Variants in XIRP2 observed in about 807,000 individuals in gnomAD.
XIRP2 encodes the protein xin actin binding repeat containing 2, also known as xin actin-binding repeat-containing protein 2.
XIRP2 carries 236 observed loss-of-function variants against 277.0 expected under a neutral mutation model. The observed-to-expected ratio is 0.85, with a 90% CI of 0.77 to 0.95. XIRP2 has a LOEUF of 0.95. XIRP2 is among the 40% of genes least tolerant of loss of function. The pLI, the probability that XIRP2 is intolerant of heterozygous loss-of-function variation, is 0.00. For missense variants in XIRP2, 4,640 were observed against 4,157.5 expected, an observed-to-expected ratio of 1.12 and a Z score of -3.19; for synonymous variants, 1,490 against 1,416.5, an observed-to-expected ratio of 1.05 and a Z score of -1.17.
intron 3 of XIRP2, among the ~76,000 whole-genome samples, chr2:167,208,499 G>A (rs1693923462): frequency 6.6e-6 from 1 of 152,028 alleles, no homozygotes. Context: ...TAGTAGAGAC[G>A]GGGTTTCACC....
intron 2 of XIRP2, among the ~76,000 whole-genome samples, chr2:167,134,599 G>T (rs1332875669): frequency 6.6e-6 from 1 of 152,068 alleles, no homozygotes; most frequent in Non-Finnish European, 1.5e-5. Context: ...ATCCATGGGG[G>T]TCATGTTACA....
intron 2 of XIRP2, among the ~76,000 whole-genome samples, chr2:166,920,280 A>G (rs899176869): frequency 6.6e-6 from 1 of 152,158 alleles, no homozygotes. Context: ...TAATTTGCCC[A>G]AGAGTACACC....
Position 167,251,804 on chromosome 2 carries a change from A to G in XIRP2, c.10412A>G (p.Asp3471Gly). The G allele has an allele frequency of 6.2e-7, 1 of 1,613,398 alleles. No individual in the cohort carries two copies. Among genetic ancestry groups the G allele is most frequent in the Non-Finnish European group, 8.5e-7 (1 of 1,179,566 alleles). ...VIAGHILDISDSPKEVRKNFQ... is the reference protein window; with the variant it reads ...VIAGHILDISGSPKEVRKNFQ... ...GCTGGACATATTTTAGATATCTCTGATTCACCTAAAGAAGTAAGAAAAAAT... is the reference window on the plus strand; with the variant it reads ...GCTGGACATATTTTAGATATCTCTGGTTCACCTAAAGAAGTAAGAAAAAAT... Residue 3471 changes from aspartate to glycine, a missense_variant, in exon 9 of 11, where the codon GAT (aspartate) becomes GGT (glycine). By Grantham distance (94) the Asp-to-Gly change is moderately conservative. Transcript: ENST00000409195.
At chr2:167,229,631 C>A (rs1175165591) in intron 5 of XIRP2, among the ~76,000 whole-genome samples, 1 of 152,042 alleles carries the variant, frequency 6.6e-6, no homozygotes, top group Non-Finnish European at 1.5e-5. Flanking sequence ...ATAAACCCAT[C>A]TTCATGGGTC....
intron 2 of XIRP2, among the ~76,000 whole-genome samples, chr2:167,132,136 T>C (rs1478488216): frequency 5.3e-5 from 8 of 152,134 alleles, no homozygotes; most frequent in African/African-American, 1.9e-4. Flanking sequence ...TCATTCTTTC[T>C]TTAAGATCAT....
intron 2 of XIRP2, among the ~76,000 whole-genome samples, chr2:167,081,401 G>A (rs1011400250): frequency 3.3e-5 from 5 of 152,044 alleles, no homozygotes; most frequent in Non-Finnish European, 7.3e-5. Flanking sequence ...CCAGGAGTTC[G>A]AGGCTACAGT....
chr2:167,214,226 G>GAGGAAGGAAGGA (rs1295438859), intron 4 of XIRP2, among the ~76,000 whole-genome samples: 31 of 67,332 alleles, frequency 4.6e-4, no homozygotes, highest in East Asian at 1.1e-3. Flanking sequence ...GGGAGGGAGG[G>GAGGAAGGAAGGA]AGGAAGGAAG....
intron 1 of XIRP2, among the ~76,000 whole-genome samples, chr2:166,899,379 C>A (rs915149429): frequency 3.3e-5 from 5 of 152,014 alleles, no homozygotes; most frequent in African/African-American, 1.2e-4. Context: ...CTAGCTTCAA[C>A]CTTCAATCAT....
At chr2:167,021,607 G>A (rs546224716) in intron 2 of XIRP2, among the ~76,000 whole-genome samples, 3 of 152,090 alleles carry the variant, frequency 2.0e-5, no homozygotes, top group Non-Finnish European at 2.9e-5. Flanking sequence ...CCAGCACTTT[G>A]GGAGGCTGAG....
chr2:167,252,388 C>T (rs144298024), intron 9 of XIRP2, among the ~76,000 whole-genome samples: 3 of 152,020 alleles, frequency 2.0e-5, no homozygotes, highest in Non-Finnish European at 2.9e-5. Flanking sequence ...ACACAATTTA[C>T]ATTCTTCATG....
chr2:167,086,840 T>G (rs1402752343), intron 2 of XIRP2, among the ~76,000 whole-genome samples: 1 of 151,394 alleles, frequency 6.6e-6, no homozygotes, highest in Non-Finnish European at 1.5e-5. Context: ...AGTTATACAT[T>G]CTTCTAAATT....
chr2:167,245,177 A>G lies in XIRP2; in HGVS notation c.3785A>G (p.Lys1262Arg), dbSNP rs780515372. The G allele has an allele frequency of 6.8e-6, 11 of 1,613,380 alleles. No individual in the cohort carries two copies. The Admixed American group carries it at 1.8e-4, about 27-fold the overall frequency. Residue 1262 changes from lysine to arginine, a missense_variant, in exon 9 of 11, where the codon AAG becomes AGG. Coordinates refer to ENST00000409195, the MANE Select transcript of XIRP2 (RefSeq NM_152381.6). ...KESQEGDECV[K>R]TVTDIQGGDV... ...AGCCAAGAAGGTGATGAATGTGTTA[A>G]GACGGTGACAGACATACAAGGTGGG... is the stretch of plus-strand genomic sequence containing the variant.
chr2:167,249,313 A>G lies in XIRP2; in HGVS notation c.7921A>G (p.Arg2641Gly). 2.5e-6 allele frequency: 4 copies of G among 1,613,884 alleles called. No individual in the cohort carries two copies. Among genetic ancestry groups the G allele is most frequent in the Non-Finnish European group, 3.4e-6 (4 of 1,179,846 alleles). ...TTSPETVAAK[R>G]LHHVLAASED... ...ATCGCCAGAAACAGTCGCTGCCAAG[A>G]GGCTCCACCATGTTTTAGCAGCTTC... Residue 2641 changes from arginine (R) to glycine (G), a missense_variant, in exon 9 of 11, where the codon AGG becomes GGG. By Grantham distance (125) the Arg-to-Gly change is moderately radical. Coordinates refer to ENST00000409195, the MANE Select transcript of XIRP2 (RefSeq NM_152381.6).
intron 2 of XIRP2, among the ~76,000 whole-genome samples, chr2:167,015,142 A>G (rs1023488504): frequency 3.3e-5 from 5 of 151,888 alleles, no homozygotes; most frequent in African/African-American, 1.2e-4. Flanking sequence ...TGGCATCACC[A>G]CATACACTAA....
In XIRP2 at chr2:167,245,859, G is replaced by A; in HGVS notation, c.4467G>A (p.Gln1489=). Residue 1489 remains glutamine, a synonymous_variant, in exon 9 of 11, where the codon CAG becomes CAA. Coordinates refer to ENST00000409195, the MANE Select transcript of XIRP2 (RefSeq NM_152381.6). ...QEDVQKGDVK[Q]AVWLFENRTF... is the part of the protein sequence containing the mutation. ...ATGTGCAGAAAGGTGATGTTAAGCA[G>A]GCTGTGTGGCTTTTTGAAAATCGAA... The A allele has an allele frequency of 6.2e-7, 1 of 1,613,698 alleles. No individual in the cohort carries two copies. Among genetic ancestry groups the A allele is most frequent in the African/African-American group, 1.3e-5 (1 of 74,996 alleles).
At chr2:167,074,186 A>G (rs1198500786) in intron 2 of XIRP2, among the ~76,000 whole-genome samples, 1 of 152,154 alleles carries the variant, frequency 6.6e-6, no homozygotes, top group Non-Finnish European at 1.5e-5. Context: ...CAGTTTCCTT[A>G]TTCATAAATC....
chr2:166,900,612 T>G (rs2105333783), intron 1 of XIRP2, among the ~76,000 whole-genome samples: 1 of 152,168 alleles, frequency 6.6e-6, no homozygotes, highest in Middle Eastern at 3.4e-3. Flanking sequence ...TTTCTGACCT[T>G]TGACTCCCTG....
At chr2:167,133,044 A>G (rs1691432675) in intron 2 of XIRP2, among the ~76,000 whole-genome samples, 1 of 152,196 alleles carries the variant, frequency 6.6e-6, no homozygotes, top group Admixed American at 6.5e-5. Flanking sequence ...TTCCAAGAAC[A>G]TTTGAGAAAA....
intron 5 of XIRP2, among the ~76,000 whole-genome samples, chr2:167,221,063 GC>G (rs1465237416): frequency 6.6e-6 from 1 of 152,064 alleles, no homozygotes; most frequent in African/African-American, 2.4e-5. Context: ...ATAAAGTTAA[GC>G]CATAATGCAA....
Sources: gnomAD v4.1 joint callset for allele counts (sites outside exome capture counted in the v4.1 genomes callset) on GRCh38, gnomAD v4.1.1 for gene constraint, MANE v1.5 for transcripts, NCBI Gene and HGNC (gene_info 2026-07-23, HGNC 2026-07-21) for gene names.